The following TBXAS1 variants were observed in gnomAD, a reference collection of about 807,000 sequenced individuals.
TBXAS1 encodes the protein thromboxane A synthase 1.
TBXAS1 carries 48 observed loss-of-function variants against 60.7 expected under a neutral mutation model. The ratio of observed to expected loss-of-function variants is 0.79; its 90% CI spans 0.63 to 1.01. TBXAS1 has a LOEUF of 1.01. TBXAS1 is among the 50% of genes least tolerant of loss of function. The probability of loss-of-function intolerance (pLI) is 0.00; values close to 1 mark genes in which losing one functional copy is unlikely to be tolerated. For synonymous variants in TBXAS1, 287 were observed against 269.7 expected (o/e 1.06, Z -0.63); for missense variants, 685 against 686.3 (o/e 1.00, Z 0.02).
At chr7:139,786,756 A>G (rs1228883094) in intron 3 of TBXAS1, among the ~76,000 whole-genome samples, 1 of 152,232 alleles carries the variant, frequency 6.6e-6, no homozygotes, top group Non-Finnish European at 1.5e-5. Flanking sequence ...AGTGGTGGTC[A>G]TGTGGCCCAA....
intron 9 of TBXAS1, among the ~76,000 whole-genome samples, chr7:139,968,920 G>A (rs1810992518): frequency 6.6e-6 from 1 of 152,154 alleles, no homozygotes; most frequent in African/African-American, 2.4e-5. Flanking sequence ...TTATATGGCT[G>A]CTTCATTGTG....
chr7:139,829,895 G>A (rs144429465), intron 1 of TBXAS1, among the ~76,000 whole-genome samples: 99 of 152,240 alleles, frequency 6.5e-4, no homozygotes, highest in African/African-American at 2.2e-3. Context: ...AAAACAAGAC[G>A]TAGGAGCTGT....
chr7:139,953,268 A>G, intron 5 of TBXAS1, 100 bp from the exon 6 acceptor site: 1 of 970,338 alleles, frequency 1.0e-6, no homozygotes, highest in South Asian at 1.3e-5. Flanking sequence ...AACAGTGTTC[A>G]TTTTCCCAGA....
chr7:140,018,575 C>T (rs532798761), intron 12 of TBXAS1, among the ~76,000 whole-genome samples: 7 of 152,294 alleles, frequency 4.6e-5, no homozygotes, highest in Admixed American at 3.3e-4. Context: ...ACATCACACA[C>T]TCCAGAACCA....
chr7:139,855,677 G>C (rs1800532887), intron 1 of TBXAS1, among the ~76,000 whole-genome samples: 1 of 152,134 alleles, frequency 6.6e-6, no homozygotes, highest in African/African-American at 2.4e-5. Flanking sequence ...GCCATATCTG[G>C]AGCAAGGGGA....
intron 10 of TBXAS1, among the ~76,000 whole-genome samples, chr7:140,009,346 G>A (rs1037459731): frequency 6.6e-5 from 10 of 152,140 alleles, no homozygotes; most frequent in East Asian, 3.9e-4. Context: ...ATGCTGCTCC[G>A]TGCCTCTCCT....
chr7:139,954,693 CA>C (rs1809695804), intron 6 of TBXAS1, among the ~76,000 whole-genome samples: 1 of 152,196 alleles, frequency 6.6e-6, no homozygotes, highest in East Asian at 1.9e-4. Flanking sequence ...TATAAGATAA[CA>C]AAAAGAATCA....
intron 5 of TBXAS1, among the ~76,000 whole-genome samples, chr7:139,947,106 T>C (rs562637127): frequency 3.9e-4 from 60 of 152,216 alleles, no homozygotes; most frequent in African/African-American, 1.2e-3. Context: ...GCCCTCTGTC[T>C]GCACCTTGAC....
chr7:139,966,600 T>G (rs1277179832), intron 9 of TBXAS1, among the ~76,000 whole-genome samples: 2 of 152,240 alleles, frequency 1.3e-5, no homozygotes, highest in Non-Finnish European at 2.9e-5. Context: ...AGGTACCAAC[T>G]TGAAACCATT....
intron 4 of TBXAS1, among the ~76,000 whole-genome samples, chr7:139,817,708 C>T (rs1196448291): frequency 6.6e-6 from 1 of 152,226 alleles, no homozygotes; most frequent in Non-Finnish European, 1.5e-5. Flanking sequence ...GACTCAAGAA[C>T]TCACTGCTCT....
At chr7:139,937,429 G>A (rs1040412598) in intron 5 of TBXAS1, among the ~76,000 whole-genome samples, 13 of 152,182 alleles carry the variant, frequency 8.5e-5, no homozygotes, top group African/African-American at 3.1e-4. Context: ...AGAAGAGGAG[G>A]GGGTTCCACA....
At chr7:139,976,284 C>G (rs571541157) in intron 9 of TBXAS1, among the ~76,000 whole-genome samples, 2 of 152,316 alleles carry the variant, frequency 1.3e-5, no homozygotes, top group Admixed American at 1.3e-4. Flanking sequence ...GTGCCATATT[C>G]ATATCCATTG....
upstream of TBXAS1, among the ~76,000 whole-genome samples, chr7:139,828,569 C>T (rs114485905): frequency 5.9e-3 from 894 of 152,266 alleles, 9 homozygotes; most frequent in African/African-American, 0.021. Flanking sequence ...CCATGGAAGC[C>T]TCCAGATGCT....
At chr7:140,008,202 G>T (rs1485626630) in intron 10 of TBXAS1, among the ~76,000 whole-genome samples, 1 of 152,204 alleles carries the variant, frequency 6.6e-6, no homozygotes, top group Non-Finnish European at 1.5e-5. Context: ...GCATTACAAA[G>T]AATGCAATTG....
intron 3 of TBXAS1, among the ~76,000 whole-genome samples, chr7:139,883,724 C>T (rs892956333): frequency 4.6e-5 from 7 of 152,144 alleles, no homozygotes; most frequent in African/African-American, 1.4e-4. Context: ...TGGACTAGGT[C>T]GGTGATTTTG....
chr7:139,899,078 T>C (rs1804355119), intron 3 of TBXAS1, among the ~76,000 whole-genome samples: 2 of 151,426 alleles, frequency 1.3e-5, no homozygotes, highest in Non-Finnish European at 2.9e-5. Flanking sequence ...AAGGAATAGA[T>C]AAGATGAAAA....
intron 3 of TBXAS1, among the ~76,000 whole-genome samples, chr7:139,877,705 G>C (rs1423129260): frequency 7.3e-6 from 1 of 137,668 alleles, no homozygotes; most frequent in Non-Finnish European, 1.5e-5. Flanking sequence ...TTACAAGTAT[G>C]AGCCACTGCA....
chr7:139,963,932 C>G (rs1810570264), intron 9 of TBXAS1, among the ~76,000 whole-genome samples: 1 of 152,160 alleles, frequency 6.6e-6, no homozygotes, highest in Non-Finnish European at 1.5e-5. Context: ...CCATCATGCT[C>G]TCCTCTCAAA....
intron 1 of TBXAS1, among the ~76,000 whole-genome samples, chr7:139,835,658 C>T (rs1395983670): frequency 6.6e-6 from 1 of 152,112 alleles, no homozygotes; most frequent in Non-Finnish European, 1.5e-5. Flanking sequence ...ATCACAAACC[C>T]ACAGCCAACC....
Sources: allele counts gnomAD v4.1 joint callset (sites outside exome capture counted in the v4.1 genomes callset), GRCh38; gene constraint gnomAD v4.1.1; transcripts MANE v1.5; gene names NCBI Gene and HGNC (gene_info 2026-07-23, HGNC 2026-07-21).